Variants in IRAK3 observed in about 807,000 individuals in gnomAD.
IRAK3 encodes interleukin-1 receptor-associated kinase 3.
Under a neutral mutation model 56.6 loss-of-function variants are expected in IRAK3, and 57 were observed. The ratio of observed to expected loss-of-function variants is 1.01; its 90% confidence interval spans 0.81 to 1.26. IRAK3 has a LOEUF of 1.26. Among genes scored for constraint, IRAK3 ranks in the 50% most tolerant of loss-of-function variants. IRAK3 has a pLI of 0.00. For synonymous variants in IRAK3, 258 were observed against 255.7 expected (o/e 1.01, Z -0.09); for missense variants, 703 against 719.0 (o/e 0.98, Z 0.25).
chr12:66,209,453 C>G lies in IRAK3; in HGVS notation c.317-3C>G. ...TATCTACCTTCCCATATTTCTCTTT[C>G]AGGAGCAGTGTTGAGTCCTTCAGAG... is the stretch of plus-strand genomic sequence containing the variant. On this transcript the variant is annotated splice_region_variant and splice_polypyrimidine_tract_variant and intron_variant, in intron 2 of 11. Coordinates refer to ENST00000261233, the MANE Select transcript of IRAK3 (RefSeq NM_007199.3). 1 of 1,596,076 alleles carries G rather than the reference C, an allele frequency of 6.3e-7. No individual in the cohort carries two copies. The highest frequency in any genetic ancestry group is 8.6e-7 in the Non-Finnish European group (1 of 1,164,014).
chr12:66,217,902 C>T (rs1269992516), intron 6 of IRAK3, among the ~76,000 whole-genome samples: 8 of 152,060 alleles, frequency 5.3e-5, no homozygotes, highest in African/African-American at 1.9e-4. Context: ...TTCTTTTATA[C>T]TGAAGACCAG....
At chr12:66,223,474 A>G (rs2052755712) in intron 6 of IRAK3, among the ~76,000 whole-genome samples, 1 of 151,712 alleles carries the variant, frequency 6.6e-6, no homozygotes, top group African/African-American at 2.4e-5. Flanking sequence ...CCTGGCTAAC[A>G]CTGTGAAACC....
chr12:66,203,667 A>G, intron 1 of IRAK3, 44 bp from the exon 2 acceptor site: 1 of 1,552,354 alleles, frequency 6.4e-7, no homozygotes, highest in Non-Finnish European at 8.9e-7. Flanking sequence ...TATTTTGATA[A>G]AAGTACAGTA....
intron 8 of IRAK3, among the ~76,000 whole-genome samples, chr12:66,237,912 C>T (rs1228117364): frequency 1.3e-5 from 2 of 152,214 alleles, no homozygotes; most frequent in African/African-American, 4.8e-5. Context: ...ATCCTCTTTA[C>T]ATAATTGATT....
chr12:66,239,875 GT>G (rs1333181089), intron 8 of IRAK3, among the ~76,000 whole-genome samples: 2 of 152,118 alleles, frequency 1.3e-5, no homozygotes, highest in African/African-American at 4.8e-5. Context: ...GTACATGCCA[GT>G]TTTTTTCTGT....
In IRAK3 at chr12:66,248,590, C is replaced by T. The variant is rs182531161; in HGVS notation, c.*419C>T. On this transcript the variant is annotated 3_prime_UTR_variant, in exon 12 of 12. Coordinates refer to ENST00000261233, the MANE Select transcript of IRAK3 (RefSeq NM_007199.3). ...CATCGTTTGGTTTAGCTTGCTTGCA[C>T]GGGTTGTAGGAAATGTCTAATTTGT... 87 of 156,914 alleles carry T rather than the reference C, an allele frequency of 5.5e-4. No individual in the cohort carries two copies. Among genetic ancestry groups the T allele is most frequent in the Non-Finnish European group, 9.3e-4 (66 of 71,040 alleles). The allele number at this position is 156,914 out of a possible 1,614,324, so 9.7% of individuals were successfully genotyped here.
chr12:66,200,878 T>G (rs757386754), intron 1 of IRAK3, among the ~76,000 whole-genome samples: 2 of 152,170 alleles, frequency 1.3e-5, no homozygotes, highest in Non-Finnish European at 2.9e-5. Flanking sequence ...TGGCGTGATC[T>G]CAGCTCACTG....
rs2053015046 is a variant in IRAK3, at chr12:66,245,125, A to G, written c.1177A>G (p.Lys393Glu). 6.2e-7 allele frequency: 1 copy of G among 1,614,040 alleles called. No individual in the cohort carries two copies. Among genetic ancestry groups the G allele is most frequent in the Non-Finnish European group, 8.5e-7 (1 of 1,180,034 alleles). Residue 393 changes from lysine to glutamate, a missense_variant, in exon 11 of 12, where the codon AAG becomes GAG. Transcript: ENST00000261233. ...GGATCTCCTTAGAGAATTGATGGAG[A>G]AGAGAGGCCTGGATTCATGTCTCTC... ...LRDLLRELME[K>E]RGLDSCLSFL...
rs1467033252 is a variant in IRAK3, at chr12:66,250,363, A to G, written c.*2192A>G. The G allele has an allele frequency of 6.6e-6, 1 of 152,246 alleles. No individual in the cohort carries two copies. Among genetic ancestry groups the G allele is most frequent in the Non-Finnish European group, 1.5e-5 (1 of 68,040 alleles). 9.4% of individuals were successfully genotyped at this position (152,246 alleles called of 1,614,324 possible). A position where few individuals can be genotyped will look rare whatever the true frequency, so the allele number is the denominator to read the frequency against. On this transcript the variant is annotated 3_prime_UTR_variant, in exon 12 of 12. Transcript: ENST00000261233. ...TAGATTCCATGTTGAAGAACAACTA[A>G]TCAAAGAAGAAAATCATCAGGAATC...
At chr12:66,242,402 A>G (rs1488799887) in intron 8 of IRAK3, among the ~76,000 whole-genome samples, 1 of 152,242 alleles carries the variant, frequency 6.6e-6, no homozygotes, top group Admixed American at 6.5e-5. Context: ...CTTCTTATCT[A>G]GAGCTGGAGA....
Position 66,245,151 on chromosome 12 carries a change from A to G in IRAK3, c.1203A>G (p.Ser401=). 1 of 1,614,096 alleles carries G rather than the reference A, an allele frequency of 6.2e-7. No individual in the cohort carries two copies. The highest frequency in any genetic ancestry group is 8.5e-7 in the Non-Finnish European group (1 of 1,179,992). The change falls in exon 11 of 12, where the codon TCA becomes TCG. Residue 401 remains serine, a synonymous_variant. Coordinates refer to ENST00000261233, the MANE Select transcript of IRAK3 (RefSeq NM_007199.3). The part of the protein sequence containing the change: ...MEKRGLDSCL[S]FLDKKVPPCP... ...AGAGAGGCCTGGATTCATGTCTCTCATTTCTAGATAAGAAAGTGCCTCCCT... is the reference window on the plus strand; with the variant it reads ...AGAGAGGCCTGGATTCATGTCTCTCGTTTCTAGATAAGAAAGTGCCTCCCT...
chr12:66,197,048 T>TCAGTCCTGCACTCTCAAAACAGC, intron 1 of IRAK3: 1 of 1,526,834 alleles, frequency 6.5e-7, no homozygotes. Flanking sequence ...CTGAAAACAG[T>TCAGTCCTGCACTCTCAAAACAGC]CAGTCCTGCA....
rs71096081 is a variant in IRAK3, at chr12:66,220,516, T to TC, written c.653+3281_653+3282insC. Reference sequence around the variant, plus strand: ...TGCCTCTGGCTTTGTTCTTCTTTCTTTTTTTTTTTTTTTTTTTTTTTTGAG... The same window carrying TC: ...TGCCTCTGGCTTTGTTCTTCTTTCTTCTTTTTTTTTTTTTTTTTTTTTTGAG... On this transcript the variant is annotated intron_variant, in intron 6 of 11. Coordinates refer to ENST00000261233, the MANE Select transcript of IRAK3 (RefSeq NM_007199.3). Among the ~76,000 whole-genome samples the TC allele has an allele frequency of 4.6e-4, 51 of 111,036 alleles. 1 individual carries two copies. The highest frequency in any genetic ancestry group is 6.6e-4 in the South Asian group (2 of 3,008). 72.8% of individuals were successfully genotyped at this position (111,036 alleles called of 152,430 possible).
chr12:66,226,647 A>AC, intron 6 of IRAK3, 76 bp from the exon 7 acceptor site: 1 of 833,832 alleles, frequency 1.2e-6, no homozygotes, highest in East Asian at 2.4e-5. Flanking sequence ...CCACCTTACT[A>AC]CCCCCACACC....
intron 5 of IRAK3, among the ~76,000 whole-genome samples, chr12:66,215,788 A>ACGTGCACGTGCGCACGCGCG (rs375264640): frequency 6.1e-5 from 8 of 131,612 alleles, no homozygotes; most frequent in Non-Finnish European, 1.0e-4. Context: ...CCCAACATGC[A>ACGTGCACGTGCGCACGCGCG]CACACACACA....
chr12:66,220,393 A>T (rs530917727), intron 6 of IRAK3, among the ~76,000 whole-genome samples: 156 of 150,428 alleles, frequency 1.0e-3, no homozygotes, highest in African/African-American at 3.0e-3. Flanking sequence ...TTTTTTTTTT[A>T]AATTCTATTC....
At chr12:66,200,613 C>T (rs562303115) in intron 1 of IRAK3, among the ~76,000 whole-genome samples, 1 of 152,290 alleles carries the variant, frequency 6.6e-6, no homozygotes, top group South Asian at 2.1e-4. Context: ...TCAGGATTTA[C>T]TCACAGCCTC....
In IRAK3 at chr12:66,228,224, A is replaced by G. The variant is rs1302463037; in HGVS notation, c.769-28A>G. On this transcript the variant is annotated intron_variant, in intron 7 of 11. Coordinates refer to ENST00000261233, the MANE Select transcript of IRAK3 (RefSeq NM_007199.3). ...AGGTAGTTTTTACTCAGAAAGTGCA[A>G]CCAAACCAATTGCTGTTGTTGTTTT... The G allele has an allele frequency of 3.2e-6, 5 of 1,545,662 alleles. No individual in the cohort carries two copies. The Admixed American group carries it at 6.7e-5, about 21-fold the overall frequency.
intron 1 of IRAK3, chr12:66,196,958 A>T: frequency 6.5e-7 from 1 of 1,535,300 alleles, no homozygotes; most frequent in Non-Finnish European, 8.7e-7. Flanking sequence ...AAATACAAAG[A>T]TTCCAAATAC....
Sources: gnomAD v4.1 joint callset for allele counts (sites outside exome capture counted in the v4.1 genomes callset) on GRCh38, gnomAD v4.1.1 for gene constraint, MANE v1.5 for transcripts, NCBI Gene and HGNC (gene_info 2026-07-23, HGNC 2026-07-21) for gene names.